TBC1D32: variants seen among roughly 807,000 people sequenced by gnomAD.
The protein encoded by TBC1D32 is TBC1 domain family member 32, also known as protein broad-minded.
Under a neutral mutation model 170.3 loss-of-function variants are expected in TBC1D32, and 151 were observed. The ratio of observed to expected loss-of-function variants is 0.89; its 90% CI spans 0.78 to 1.01. TBC1D32 has a LOEUF of 1.01. Ranked by LOEUF, TBC1D32 falls within the 50% of genes least tolerant of loss-of-function variation. TBC1D32 has a pLI of 0.00. For synonymous variants in TBC1D32, 498 were observed against 488.0 expected (o/e 1.02, Z -0.27); for missense variants, 1,464 against 1,457.1 (o/e 1.00, Z -0.08).
chr6:121,287,156 T>A (rs1005243317), intron 12 of TBC1D32, among the ~76,000 whole-genome samples: 12 of 152,074 alleles, frequency 7.9e-5, no homozygotes, highest in African/African-American at 2.9e-4. Context: ...ATAACAATAT[T>A]AACCTTAAAT....
At chr6:121,244,175 A>G (rs1441666998) in intron 17 of TBC1D32, among the ~76,000 whole-genome samples, 2 of 151,934 alleles carry the variant, frequency 1.3e-5, no homozygotes, top group African/African-American at 4.8e-5. Flanking sequence ...ACACACAAAT[A>G]TTTTTTAAAA....
chr6:121,201,886 T>TA (rs765898855), intron 22 of TBC1D32, among the ~76,000 whole-genome samples: 8 of 151,170 alleles, frequency 5.3e-5, no homozygotes, highest in African/African-American at 1.7e-4. Context: ...AACTATTGTT[T>TA]AAAAAAACAG....
At chr6:121,091,343 A>G (rs1776776899) in intron 30 of TBC1D32, among the ~76,000 whole-genome samples, 1 of 152,010 alleles carries the variant, frequency 6.6e-6, no homozygotes, top group Non-Finnish European at 1.5e-5. Flanking sequence ...CAAAACACCA[A>G]TCTGCTCTCT....
At chr6:121,156,995 G>T (rs144044473) in intron 24 of TBC1D32, among the ~76,000 whole-genome samples, 2 of 152,154 alleles carry the variant, frequency 1.3e-5, no homozygotes, top group African/African-American at 4.8e-5. Flanking sequence ...ATTGTTAGGT[G>T]GAGTATTCTT....
At chr6:121,121,670 A>G (rs1347115984) in intron 26 of TBC1D32, among the ~76,000 whole-genome samples, 2 of 152,072 alleles carry the variant, frequency 1.3e-5, no homozygotes, top group Non-Finnish European at 2.9e-5. Context: ...TGCCTATTAA[A>G]TTAAGACACT....
At chr6:121,242,038 T>C (rs1015962566) in intron 18 of TBC1D32, among the ~76,000 whole-genome samples, 163 bp downstream of exon 18, 5 of 152,146 alleles carry the variant, frequency 3.3e-5, no homozygotes, top group Admixed American at 1.3e-4. Flanking sequence ...ATATCAACTC[T>C]CTAATGTTTT....
chr6:121,222,571 A>C (rs1272894357), intron 21 of TBC1D32, among the ~76,000 whole-genome samples: 2 of 86,028 alleles, frequency 2.3e-5, no homozygotes, highest in East Asian at 6.8e-4. Context: ...GGGCAAAACT[A>C]TGTTTATGAA....
At position 121,281,596 on chromosome 6, in the gene TBC1D32, A is replaced by G. The variant is rs1175328751; in HGVS notation, c.1556T>C (p.Ile519Thr). The change falls in exon 14 of 32, where the codon ATT (isoleucine) becomes ACT (threonine). Residue 519 changes from isoleucine to threonine, a missense_variant. By Grantham distance (89) the Ile-to-Thr change is moderately conservative. Coordinates refer to ENST00000398212, the MANE Select transcript of TBC1D32 (RefSeq NM_152730.6). Reference protein sequence around the residue: ...ECAVECLYNNIVIETLLQPIH... With the variant: ...ECAVECLYNNTVIETLLQPIH... ...AGGCTGAAGAAGTGTCTCTATTACA[A>G]TGTTGTTATATAAGCATTCCACTGC... 2 of 1,607,668 alleles carry G rather than the reference A, an allele frequency of 1.2e-6. No homozygotes were observed. The highest frequency in any genetic ancestry group is 1.1e-5 in the South Asian group (1 of 90,380).
At chr6:121,319,617 A>T (rs1809411923) in intron 2 of TBC1D32, among the ~76,000 whole-genome samples, 1 of 152,172 alleles carries the variant, frequency 6.6e-6, no homozygotes, top group Non-Finnish European at 1.5e-5. Flanking sequence ...AATCTTAATG[A>T]TATACAGGGT....
At chr6:121,158,750 A>C (rs1785218783) in intron 24 of TBC1D32, among the ~76,000 whole-genome samples, 1 of 152,144 alleles carries the variant, frequency 6.6e-6, no homozygotes, top group South Asian at 2.1e-4. Context: ...TATACTGGCA[A>C]AATGTTTTTG....
chr6:121,220,680 G>T (rs188897382), intron 21 of TBC1D32, among the ~76,000 whole-genome samples: 1 of 131,964 alleles, frequency 7.6e-6, no homozygotes, highest in Non-Finnish European at 1.5e-5. Context: ...TCATTCTATC[G>T]CCTAGGCTGG....
At chr6:121,276,057 T>C (rs1361275778) in intron 15 of TBC1D32, among the ~76,000 whole-genome samples, 6 of 150,756 alleles carry the variant, frequency 4.0e-5, no homozygotes, top group Admixed American at 3.3e-4. Context: ...GAGGCAGACA[T>C]TGCAGTGAGC....
At chr6:121,291,211 C>G (rs528985714) in intron 12 of TBC1D32, among the ~76,000 whole-genome samples, 1 of 151,824 alleles carries the variant, frequency 6.6e-6, no homozygotes, top group Non-Finnish European at 1.5e-5. Context: ...ACAGTTTAGG[C>G]GGTGATCAGT....
chr6:121,211,797 G>A (rs1793102033), intron 21 of TBC1D32, among the ~76,000 whole-genome samples: 1 of 152,104 alleles, frequency 6.6e-6, no homozygotes, highest in South Asian at 2.1e-4. Flanking sequence ...GAACACCACT[G>A]TCCCAGTGGA....
At chr6:121,330,892 C>T (rs1434328377) in intron 1 of TBC1D32, among the ~76,000 whole-genome samples, 1 of 152,188 alleles carries the variant, frequency 6.6e-6, no homozygotes, top group Admixed American at 6.5e-5. Flanking sequence ...TCTCCCCTCC[C>T]ACCAGGCCTC....
intron 24 of TBC1D32, among the ~76,000 whole-genome samples, chr6:121,138,943 C>T (rs1031544833): frequency 1.3e-5 from 2 of 151,554 alleles, no homozygotes; most frequent in African/African-American, 4.9e-5. Context: ...CTCCCGGGTT[C>T]ACGCCATTCT....
chr6:121,092,865 A>G (rs181997339), intron 30 of TBC1D32, among the ~76,000 whole-genome samples: 186 of 152,292 alleles, frequency 1.2e-3, no homozygotes, highest in Non-Finnish European at 1.9e-3. Flanking sequence ...GGATTTCAAC[A>G]GGTGAGTTTT....
chr6:121,236,536 G>A lies in TBC1D32; in HGVS notation c.2364+2534C>T, dbSNP rs535223549. On this transcript the variant is annotated intron_variant, in intron 20 of 31. Transcript: ENST00000398212. Reference sequence around the variant, plus strand: ...ATAAATGAAAAAAGAATCCCTTAGGGAATAAGACTTAGAGACTAGAAGCTG... The same window carrying A: ...ATAAATGAAAAAAGAATCCCTTAGGAAATAAGACTTAGAGACTAGAAGCTG... 1.3e-5 allele frequency among the ~76,000 whole-genome samples: 2 copies of A among 152,164 alleles called. 1 individual carries two copies. Among genetic ancestry groups the A allele is most frequent in the African/African-American group, 4.8e-5 (2 of 41,546 alleles).
chr6:121,111,869 T>A (rs1779239728), intron 29 of TBC1D32, among the ~76,000 whole-genome samples: 1 of 152,062 alleles, frequency 6.6e-6, no homozygotes, highest in African/African-American at 2.4e-5. Flanking sequence ...ATGGAAAAGG[T>A]TTGAGAAACA....
Sources: allele counts gnomAD v4.1 joint callset (sites outside exome capture counted in the v4.1 genomes callset), GRCh38; gene constraint gnomAD v4.1.1; transcripts MANE v1.5; gene names NCBI Gene and HGNC (gene_info 2026-07-23, HGNC 2026-07-21).